Variants in TMPRSS13 observed in about 807,000 individuals in gnomAD.
TMPRSS13 encodes the protein transmembrane serine protease 13.
Under a neutral mutation model 68.4 loss-of-function variants are expected in TMPRSS13, and 50 were observed. The ratio of observed to expected loss-of-function variants is 0.73; its 90% CI spans 0.58 to 0.93. The LOEUF is 0.93. TMPRSS13 is among the 40% of genes least tolerant of loss of function. The pLI, the probability that TMPRSS13 is intolerant of heterozygous loss-of-function variation, is 0.00. For missense variants in TMPRSS13, 615 were observed against 729.2 expected, an observed-to-expected ratio of 0.84 and a Z score of 1.80; for synonymous variants, 267 against 285.8, an observed-to-expected ratio of 0.93 and a Z score of 0.66.
At chr11:117,903,401 A>G (rs1191323782) in intron 12 of TMPRSS13, 2 of 1,535,708 alleles carry the variant, frequency 1.3e-6, no homozygotes, top group South Asian at 1.2e-5. Context: ...ACATCTGCCC[A>G]GCAACTGCCT....
chr11:117,904,250 G>T, intron 10 of TMPRSS13, 149 bp from the exon 11 acceptor site: 1 of 1,113,888 alleles, frequency 9.0e-7, no homozygotes, highest in East Asian at 2.6e-5. Flanking sequence ...TCCCACCCAA[G>T]GGAGGCCCTC....
At chr11:117,927,455 A>T (rs2057717728) in intron 1 of TMPRSS13, among the ~76,000 whole-genome samples, 1 of 152,236 alleles carries the variant, frequency 6.6e-6, no homozygotes, top group Non-Finnish European at 1.5e-5. Context: ...ACGACATGCA[A>T]CTTTCTTTTG....
At chr11:117,924,177 CAAAGA>C (rs11269449) in intron 1 of TMPRSS13, among the ~76,000 whole-genome samples, 11,034 of 105,296 alleles carry the variant, frequency 0.1, 807 homozygotes, top group East Asian at 0.3. Context: ...GACCCCATCT[CAAAGA>C]AAAGAAAAGA....
intron 2 of TMPRSS13, among the ~76,000 whole-genome samples, chr11:117,917,857 G>A (rs568154580): frequency 1.3e-5 from 2 of 152,244 alleles, no homozygotes; most frequent in South Asian, 2.1e-4. Flanking sequence ...GAGTGGGCAG[G>A]AACACTGATT....
At chr11:117,928,946 T>A (rs1023168083) in intron 1 of TMPRSS13, among the ~76,000 whole-genome samples, 1 of 152,158 alleles carries the variant, frequency 6.6e-6, no homozygotes, top group Non-Finnish European at 1.5e-5. Flanking sequence ...TAGATTAGCC[T>A]GGATTCCCAA....
chr11:117,911,945 C>T (rs2057527631), intron 5 of TMPRSS13, 85 bp from the exon 6 acceptor site: 18 of 1,117,570 alleles, frequency 1.6e-5, no homozygotes, highest in Non-Finnish European at 2.3e-5. Flanking sequence ...CCCCACCAGC[C>T]CTGCCGACAG....
At position 117,909,764 on chromosome 11, in the gene TMPRSS13, G is replaced by C. The variant is rs752402156; in HGVS notation, c.1109+42C>G. 12 of 1,580,678 alleles carry C rather than the reference G, an allele frequency of 7.6e-6. No homozygotes were observed. The South Asian group carries it at 1.1e-4, about 15-fold the overall frequency. ...CAGCCAGCCCTTCCTGGTGGTTCCC[G>C]ACCCTGGGCAGTGTCAAATCACCTG... is the stretch of plus-strand genomic sequence containing the variant. On this transcript the variant is annotated intron_variant, in intron 8 of 12. Coordinates refer to ENST00000524993, the MANE Select transcript of TMPRSS13 (RefSeq NM_001077263.3).
In TMPRSS13 at chr11:117,918,564, G is replaced by C. The variant is rs535090767; in HGVS notation, c.296C>G (p.Ser99Cys). 84 of 1,614,242 alleles carry C rather than the reference G, an allele frequency of 5.2e-5. 1 individual carries two copies. In the South Asian group the frequency reaches 8.9e-4, roughly 17 times the overall value. ...ASPALASLSR[S>C]SSGRSSSARS... ...GGCGGATGATGACCTGCCGGATGAG[G>C]ACCTGGAAAGTGATGCCAGAGCCGG... The change falls in exon 2 of 13, where the codon TCC becomes TGC. Residue 99 changes from serine to cysteine, a missense_variant. By Grantham distance (112) the Ser-to-Cys change is moderately radical. Transcript: ENST00000524993.
In TMPRSS13 at chr11:117,914,611, G is replaced by A. The variant is rs1175354805; in HGVS notation, c.557-97C>T. 1 of 1,565,322 alleles carries A rather than the reference G, an allele frequency of 6.4e-7. No homozygotes were observed. The highest frequency in any genetic ancestry group is 8.6e-7 in the Non-Finnish European group (1 of 1,159,772). On this transcript the variant is annotated intron_variant, in intron 3 of 12. Transcript: ENST00000524993. The surrounding 1 kb of genome is among the most constrained non-coding windows in gnomAD (Gnocchi z 4.2). The stretch of plus-strand genomic sequence containing the variant: ...CCTGGGGGTTCTGAGACACCGACCT[G>A]CAATCCCTCTTGAACTCTGGGGCTC...
Position 117,918,834 on chromosome 11 carries a change from G to A in TMPRSS13, c.26C>T (p.Ala9Val), listed in dbSNP as rs115788026. The change falls in exon 2 of 13, where the codon GCA (alanine) becomes GTA (valine). Residue 9 changes from alanine to valine, a missense_variant. Coordinates refer to ENST00000524993, the MANE Select transcript of TMPRSS13 (RefSeq NM_001077263.3). MERDSHGNASPARTPSAGA... is the reference protein window; with the variant it reads MERDSHGNVSPARTPSAGA... ...AGCTGAAGGTGTTCTTGCTGGAGAT[G>A]CATTCTGAAAGCAGATCGAAGAGTA... The A allele has an allele frequency of 6.6e-4, 1,062 of 1,613,588 alleles. 12 individuals are homozygous for A. The African/African-American group carries it at 0.013, about 20-fold the overall frequency.
intron 5 of TMPRSS13, among the ~76,000 whole-genome samples, chr11:117,913,020 C>G (rs946828366): frequency 1.3e-5 from 2 of 152,130 alleles, no homozygotes; most frequent in Non-Finnish European, 2.9e-5. Flanking sequence ...GGGTGGAGAA[C>G]ATGTTCTAAA....
intron 1 of TMPRSS13, among the ~76,000 whole-genome samples, chr11:117,924,733 A>C (rs1306836686): frequency 6.6e-6 from 1 of 151,912 alleles, no homozygotes; most frequent in Non-Finnish European, 1.5e-5. Flanking sequence ...CCCAGGCTTC[A>C]CTGTACCTCC....
intron 12 of TMPRSS13, 78 bp from the exon 13 acceptor site, chr11:117,902,343 G>C (rs2057416604): frequency 5.9e-6 from 9 of 1,536,046 alleles, no homozygotes; most frequent in Non-Finnish European, 8.1e-6. Context: ...TTGGGGTTCA[G>C]AACCTATAAT....
chr11:117,902,058 C>T lies in TMPRSS13; in HGVS notation c.*181G>A. The T allele has an allele frequency of 1.5e-6, 1 of 675,492 alleles. No homozygotes were observed. Among genetic ancestry groups the T allele is most frequent in the Non-Finnish European group, 2.5e-6 (1 of 395,248 alleles). 41.8% of individuals were successfully genotyped at this position (675,492 alleles called of 1,614,324 possible). The stretch of plus-strand genomic sequence containing the variant: ...GTTTCTGAAAAACTTGGGAGAGTGG[C>T]AATGCACACATATGCACACACACAC... On this transcript the variant is annotated 3_prime_UTR_variant, in exon 13 of 13. Transcript: ENST00000524993.
intron 5 of TMPRSS13, among the ~76,000 whole-genome samples, chr11:117,913,362 C>G (rs1011769910): frequency 6.6e-6 from 1 of 152,210 alleles, no homozygotes; most frequent in African/African-American, 2.4e-5. Flanking sequence ...GCTCAAGACA[C>G]AGTAGCTATA....
In TMPRSS13 at chr11:117,913,908, T is replaced by G. The variant is rs1338034768; in HGVS notation, c.680-2A>C. 6.2e-7 allele frequency: 1 copy of G among 1,613,368 alleles called. No homozygotes were observed. Among genetic ancestry groups the G allele is most frequent in the Non-Finnish European group, 8.5e-7 (1 of 1,179,752 alleles). ...GAGACTTGTCCCAGTCAAACCTCACTGCAGGGCAAGAAAAAGGCAGAGCAG... is the reference window on the plus strand; with the variant it reads ...GAGACTTGTCCCAGTCAAACCTCACGGCAGGGCAAGAAAAAGGCAGAGCAG... On this transcript the variant is annotated splice_acceptor_variant, in intron 4 of 12. Coordinates refer to ENST00000524993, the MANE Select transcript of TMPRSS13 (RefSeq NM_001077263.3). LOFTEE classifies it high-confidence loss of function.
intron 10 of TMPRSS13, 77 bp from the exon 11 acceptor site, chr11:117,904,178 G>A (rs879480658): frequency 7.5e-5 from 115 of 1,532,370 alleles, no homozygotes; most frequent in Non-Finnish European, 9.7e-5. Context: ...CCGTCCAGCT[G>A]CCACCCCAAG....
At chr11:117,916,228 A>C (rs1273940049) in intron 3 of TMPRSS13, among the ~76,000 whole-genome samples, 1 of 152,182 alleles carries the variant, frequency 6.6e-6, no homozygotes, top group South Asian at 2.1e-4. Context: ...AGACGGCCCC[A>C]GGTCCCTGAT....
At chr11:117,918,986 G>T in intron 1 of TMPRSS13, 148 bp from the exon 2 acceptor site, 1 of 1,186,790 alleles carries the variant, frequency 8.4e-7, no homozygotes, top group Non-Finnish European at 1.2e-6. Context: ...CTGAGAGGAG[G>T]ACTGTGTCCA....
Sources: gnomAD v4.1 joint callset for allele counts (sites outside exome capture counted in the v4.1 genomes callset) on GRCh38, gnomAD v4.1.1 for gene constraint, Gnocchi (gnomAD v3.1) non-coding constraint, MANE v1.5 for transcripts, NCBI Gene and HGNC (gene_info 2026-07-23, HGNC 2026-07-21) for gene names.